TPTE: variants seen among roughly 807,000 people sequenced by gnomAD.
The protein encoded by TPTE is transmembrane phosphatase with tensin homology.
TPTE carries 59 observed loss-of-function variants against 84.1 expected under a neutral mutation model. The ratio of observed to expected loss-of-function variants is 0.70; its 90% CI spans 0.57 to 0.87. The LOEUF (loss-of-function observed/expected upper bound fraction) is 0.87, where lower values mean the gene tolerates loss of function less well. Ranked by LOEUF, TPTE falls within the 40% of genes least tolerant of loss-of-function variation. The pLI is 0.00. For synonymous variants in TPTE, 130 were observed against 223.5 expected (o/e 0.58, Z 3.73); for missense variants, 382 against 659.6 (o/e 0.58, Z 4.61).
At position 10,605,587 on chromosome 21, in the gene TPTE, A is replaced by C. The variant is rs780927045; in HGVS notation, c.*35A>C. The stretch of plus-strand genomic sequence containing the variant: ...CCCCTTCCCCTTCTGGGAAAGAATT[A>C]TGTTCTTTCCAACCCTGCCACATGT... On this transcript the variant is annotated 3_prime_UTR_variant, in exon 24 of 24. Coordinates refer to ENST00000618007, the MANE Select transcript of TPTE (RefSeq NM_199261.4). 6.2e-7 allele frequency: 1 copy of C among 1,613,710 alleles called. No homozygotes were observed. The highest frequency in any genetic ancestry group is 8.5e-7 in the Non-Finnish European group (1 of 1,179,816).
chr21:10,599,823 G>T (rs2075655343), intron 21 of TPTE, among the ~76,000 whole-genome samples: 1 of 152,204 alleles, frequency 6.6e-6, no homozygotes, highest in Non-Finnish European at 1.5e-5. Flanking sequence ...TAGTTAGTTA[G>T]TTAGTTGGTT....
At chr21:10,598,321 T>G (rs1334282177) in intron 21 of TPTE, among the ~76,000 whole-genome samples, 6 of 152,310 alleles carry the variant, frequency 3.9e-5, no homozygotes, top group Non-Finnish European at 5.9e-5. Flanking sequence ...TTATTTCTGG[T>G]CAGTGTTGCT....
chr21:10,568,296 A>G (rs367946812), intron 11 of TPTE, among the ~76,000 whole-genome samples: 330 of 151,774 alleles, frequency 2.2e-3, no homozygotes, highest in African/African-American at 7.7e-3. Context: ...GCAAAATTAG[A>G]GTGACTTCAA....
chr21:10,547,644 C>T (rs1411655267), intron 7 of TPTE, among the ~76,000 whole-genome samples: 3 of 152,308 alleles, frequency 2.0e-5, no homozygotes, highest in Non-Finnish European at 2.9e-5. Flanking sequence ...AGAACAGAGT[C>T]ATCTCTTGAG....
At chr21:10,536,784 G>T (rs376363478) in intron 3 of TPTE, among the ~76,000 whole-genome samples, 4 of 152,272 alleles carry the variant, frequency 2.6e-5, no homozygotes, top group Admixed American at 6.5e-5. Context: ...GAAACTTCTT[G>T]TTATTGTCTT....
intron 8 of TPTE, among the ~76,000 whole-genome samples, chr21:10,559,287 C>T (rs2074745540): frequency 6.6e-6 from 1 of 152,306 alleles, no homozygotes; most frequent in African/African-American, 2.4e-5. Flanking sequence ...CCAAACTTTA[C>T]TGTCTTCTGG....
chr21:10,596,382 C>T (rs67796130), intron 20 of TPTE, among the ~76,000 whole-genome samples: 1,998 of 149,042 alleles, frequency 0.013, no homozygotes, highest in Non-Finnish European at 0.02. Context: ...CGGACTTTTC[C>T]GGGCAGAGGG....
At position 10,600,404 on chromosome 21, in the gene TPTE, G is replaced by A. The variant is rs867778081; in HGVS notation, c.1357-1654G>A. Among the ~76,000 whole-genome samples, 30 of 152,382 alleles carry A rather than the reference G, an allele frequency of 2.0e-4. No individual in the cohort carries two copies. In the South Asian group the frequency reaches 4.4e-3, roughly 22 times the overall value. On this transcript the variant is annotated intron_variant, in intron 21 of 23. Coordinates refer to ENST00000618007, the MANE Select transcript of TPTE (RefSeq NM_199261.4). Reference sequence around the variant, plus strand: ...TCTGCCCACCTCAACCTACCAAAGTGCTAGGATTACAGGCTTGAGCCACTG... The same window carrying A: ...TCTGCCCACCTCAACCTACCAAAGTACTAGGATTACAGGCTTGAGCCACTG...
chr21:10,569,965 G>C (rs1379832716), intron 13 of TPTE, among the ~76,000 whole-genome samples: 1 of 152,310 alleles, frequency 6.6e-6, no homozygotes, highest in Non-Finnish European at 1.5e-5. Flanking sequence ...ATAGGAACTT[G>C]AATGGATTTT....
At chr21:10,587,440 G>T (rs1353558366) in intron 17 of TPTE, among the ~76,000 whole-genome samples, 1 of 152,304 alleles carries the variant, frequency 6.6e-6, no homozygotes, top group Non-Finnish European at 1.5e-5. Context: ...CCATTGTTTA[G>T]CTTTCACTTA....
At chr21:10,541,785 G>C (rs1318211336) in intron 5 of TPTE, among the ~76,000 whole-genome samples, 2 of 152,308 alleles carry the variant, frequency 1.3e-5, no homozygotes, top group African/African-American at 2.4e-5. Context: ...CCAGGGAAGA[G>C]AGAATCCTGT....
chr21:10,541,244 G>C lies in TPTE; in HGVS notation c.65+79G>C, dbSNP rs1411323941. ...CTGAGCACTTTGGGAGGCTGAAGCA[G>C]GCCGATACCCTGAGGTCGGGTGTTC... On this transcript the variant is annotated intron_variant, in intron 5 of 23. Transcript: ENST00000618007. 1.9e-6 allele frequency: 3 copies of C among 1,592,160 alleles called. No individual in the cohort carries two copies. The East Asian group carries it at 6.7e-5, about 36-fold the overall frequency.
chr21:10,536,377 A>C (rs982105366), intron 3 of TPTE, among the ~76,000 whole-genome samples: 41 of 152,288 alleles, frequency 2.7e-4, no homozygotes, highest in Non-Finnish European at 5.4e-4. Context: ...TTGATTCAAA[A>C]AGTAAGTTTA....
chr21:10,599,860 C>CTTT (rs59780138), intron 21 of TPTE, among the ~76,000 whole-genome samples: 84 of 147,074 alleles, frequency 5.7e-4, no homozygotes, highest in African/African-American at 1.7e-3. Context: ...TCTTCCTTTC[C>CTTT]TTTTTTTTTT....
intron 7 of TPTE, among the ~76,000 whole-genome samples, chr21:10,551,060 C>T (rs1445589046): frequency 6.6e-6 from 1 of 152,306 alleles, no homozygotes; most frequent in African/African-American, 2.4e-5. Context: ...ACAAATGTAA[C>T]TAGAAACACA....
intron 6 of TPTE, among the ~76,000 whole-genome samples, chr21:10,542,799 C>A (rs530731130): frequency 1.3e-5 from 2 of 152,284 alleles, no homozygotes; most frequent in Non-Finnish European, 2.9e-5. Flanking sequence ...TTGTTAGTAA[C>A]TTTGCATCCT....
In TPTE at chr21:10,605,666, T is replaced by A. The variant is rs529401010; in HGVS notation, c.*114T>A. The A allele has an allele frequency of 6.8e-7, 1 of 1,480,282 alleles. No individual in the cohort carries two copies. Among genetic ancestry groups the A allele is most frequent in the East Asian group, 2.5e-5 (1 of 40,284 alleles). The allele number at this position is 1,480,282 out of a possible 1,614,324, so 91.7% of individuals were successfully genotyped here. ...TCCTTGAAGTATTTATTTATGTTTA[T>A]ATATGTTTATATATGTTCTTCATAA... On this transcript the variant is annotated 3_prime_UTR_variant, in exon 24 of 24. Coordinates refer to ENST00000618007, the MANE Select transcript of TPTE (RefSeq NM_199261.4).
intron 8 of TPTE, among the ~76,000 whole-genome samples, chr21:10,556,420 A>G (rs1319317121): frequency 6.6e-6 from 1 of 152,304 alleles, no homozygotes; most frequent in African/African-American, 2.4e-5. Context: ...TATGTGCCAC[A>G]TTTTCTTCAT....
At chr21:10,544,896 A>G (rs922582559) in intron 7 of TPTE, among the ~76,000 whole-genome samples, 4 of 152,308 alleles carry the variant, frequency 2.6e-5, no homozygotes, top group Non-Finnish European at 4.4e-5. Flanking sequence ...AAAGAAATGT[A>G]TATAAACTTG....
Sources: allele counts gnomAD v4.1 joint callset (sites outside exome capture counted in the v4.1 genomes callset), GRCh38; gene constraint gnomAD v4.1.1; transcripts MANE v1.5; gene names NCBI Gene and HGNC (gene_info 2026-07-23, HGNC 2026-07-21).